The following FAM193A variants were observed in gnomAD, a reference collection of about 807,000 sequenced individuals.
FAM193A encodes protein FAM193A.
FAM193A carries 22 observed loss-of-function variants against 126.5 expected under a neutral mutation model. The observed-to-expected ratio is 0.17, with a 90% CI of 0.12 to 0.25. The LOEUF (loss-of-function observed/expected upper bound fraction) is 0.25, where lower values mean the gene tolerates loss of function less well. Ranked by LOEUF, FAM193A falls within the 10% of genes least tolerant of loss-of-function variation. FAM193A has a pLI of 1.00. For missense variants in FAM193A, 1,675 were observed against 1,672.8 expected, an observed-to-expected ratio of 1.00 and a Z score of -0.02; for synonymous variants, 761 against 646.8, an observed-to-expected ratio of 1.18 and a Z score of -2.68.
At chr4:2,646,958 C>A in intron 7 of FAM193A, 126 bp downstream of exon 7, 1 of 1,042,128 alleles carries the variant, frequency 9.6e-7, no homozygotes, top group Non-Finnish European at 1.3e-6. Flanking sequence ...CCCAGAGGCG[C>A]ATGTGGGTAG....
chr4:2,617,855 A>G (rs1031977262), intron 2 of FAM193A, among the ~76,000 whole-genome samples: 2 of 152,154 alleles, frequency 1.3e-5, no homozygotes, highest in Non-Finnish European at 2.9e-5. Context: ...AAAAGACCTT[A>G]TAAATAAGTT....
At chr4:2,588,927 A>G (rs1280646740) in intron 1 of FAM193A, among the ~76,000 whole-genome samples, 2 of 152,166 alleles carry the variant, frequency 1.3e-5, no homozygotes, top group African/African-American at 2.4e-5. Flanking sequence ...TTAGAAATAC[A>G]TGTAAGTCTG....
chr4:2,658,359 C>T (rs1280669800), intron 8 of FAM193A, among the ~76,000 whole-genome samples: 1 of 152,156 alleles, frequency 6.6e-6, no homozygotes, highest in African/African-American at 2.4e-5. Context: ...CAGATCTGGA[C>T]TCTCCCTTCC....
At chr4:2,635,424 T>C (rs983111513) in intron 5 of FAM193A, among the ~76,000 whole-genome samples, 1 of 152,330 alleles carries the variant, frequency 6.6e-6, no homozygotes, top group African/African-American at 2.4e-5. Context: ...CTTATTGTCA[T>C]TTTAAAAATG....
chr4:2,597,832 T>C (rs71608210), intron 2 of FAM193A, among the ~76,000 whole-genome samples: 23,268 of 152,118 alleles, frequency 0.15, 2,955 homozygotes, highest in African/African-American at 0.35. Flanking sequence ...AACATTTGCA[T>C]CACCCCATAA....
At chr4:2,682,683 C>G (rs1715288656) in intron 13 of FAM193A, among the ~76,000 whole-genome samples, 1 of 152,060 alleles carries the variant, frequency 6.6e-6, no homozygotes, top group East Asian at 1.9e-4. Flanking sequence ...TTTAAAATTT[C>G]TGCAGTTGCC....
intron 13 of FAM193A, 25 bp from the exon 14 acceptor site, chr4:2,689,481 G>C: frequency 6.5e-7 from 1 of 1,527,256 alleles, no homozygotes. Context: ...ATTTTGATAT[G>C]TGATTAGAAA....
chr4:2,547,217 G>A (rs1479289378), intron 1 of FAM193A, among the ~76,000 whole-genome samples: 6 of 151,980 alleles, frequency 3.9e-5, no homozygotes, highest in African/African-American at 1.2e-4. Flanking sequence ...GTGAAACCCC[G>A]TCTCTACTAA....
chr4:2,558,618 C>G (rs1738416225), intron 1 of FAM193A, among the ~76,000 whole-genome samples: 1 of 152,178 alleles, frequency 6.6e-6, no homozygotes, highest in Non-Finnish European at 1.5e-5. Context: ...TGGCCTCAAG[C>G]AATCCTCCTG....
At chr4:2,707,648 T>C (rs1718453796) in intron 19 of FAM193A, among the ~76,000 whole-genome samples, 1 of 152,110 alleles carries the variant, frequency 6.6e-6, no homozygotes, top group Non-Finnish European at 1.5e-5. Context: ...AAAATTTTTT[T>C]TAATGTGGCT....
chr4:2,619,548 AGT>A (rs1742415697), intron 2 of FAM193A, among the ~76,000 whole-genome samples: 2 of 151,914 alleles, frequency 1.3e-5, no homozygotes, highest in African/African-American at 4.8e-5. Context: ...TTGTATTTTT[AGT>A]AGAGATGGGG....
intron 2 of FAM193A, 35 bp from the exon 3 acceptor site, chr4:2,625,227 C>A: frequency 1.5e-6 from 1 of 649,342 alleles, no homozygotes; most frequent in Non-Finnish European, 2.8e-6. Context: ...AACATTTTAA[C>A]ATAACTGGTC....
rs33958851 is a variant in FAM193A, at chr4:2,664,558, CTTTT to C, written c.2079+1293_2079+1296del. Among the ~76,000 whole-genome samples, 268 of 73,044 alleles carry C rather than the reference CTTTT, an allele frequency of 3.7e-3. 4 individuals carry two copies. Among genetic ancestry groups the C allele is most frequent in the Middle Eastern group, 0.013 (1 of 78 alleles). The allele number at this position is 73,044 out of a possible 152,430, so 47.9% of individuals were successfully genotyped here. On this transcript the variant is annotated intron_variant, in intron 12 of 20. Transcript: ENST00000637812. The stretch of plus-strand genomic sequence containing the variant: ...ACCTTTCTCTCTCTCTATTTTCTTT[CTTTT>C]TTTTTTTTTTTTTTTTTTTTTTGAG...
In FAM193A at chr4:2,563,777, G is replaced by A. The variant is rs149435952; in HGVS notation, c.255+26607G>A. ...TTACATCCACTTTTATTAATGACAA[G>A]CCATGCCTGAAGTGTTTATCTTGCC... On this transcript the variant is annotated intron_variant, in intron 1 of 20. Transcript: ENST00000637812. Among the ~76,000 whole-genome samples, 204 of 152,296 alleles carry A rather than the reference G, an allele frequency of 1.3e-3. 1 individual carries two copies. The highest frequency in any genetic ancestry group is 9.4e-3 in the Admixed American group (143 of 15,290).
In FAM193A at chr4:2,590,500, A is replaced by ACC. The variant is rs1560464644; in HGVS notation, c.256-5584_256-5583insCC. ...ACAAAAAAAAACAAAAAAAAACAAA[A>ACC]AAAAACAAAAAAAAAACAAAACAAA... is the stretch of plus-strand genomic sequence containing the variant. On this transcript the variant is annotated intron_variant, in intron 1 of 20. Transcript: ENST00000637812. Among the ~76,000 whole-genome samples, 66 of 40,970 alleles carry ACC rather than the reference A, an allele frequency of 1.6e-3. 5 individuals are homozygous for ACC. Among genetic ancestry groups the ACC allele is most frequent in the East Asian group, 2.9e-3 (4 of 1,372 alleles). 26.9% of individuals were successfully genotyped at this position (40,970 alleles called of 152,430 possible).
At chr4:2,623,655 A>C (rs1330983198) in intron 2 of FAM193A, among the ~76,000 whole-genome samples, 2 of 151,870 alleles carry the variant, frequency 1.3e-5, no homozygotes, top group African/African-American at 4.8e-5. Context: ...ATCTGAACAG[A>C]CCTTGCCAAG....
intron 5 of FAM193A, among the ~76,000 whole-genome samples, chr4:2,637,537 TCTTC>T (rs1179783602): frequency 1.3e-5 from 2 of 152,206 alleles, no homozygotes; most frequent in African/African-American, 4.8e-5. Context: ...AAACATCTTC[TCTTC>T]CTTCTTTCAA....
At chr4:2,662,753 A>T (rs1021155535) in intron 10 of FAM193A, 85 bp from the exon 11 acceptor site, 3 of 1,050,436 alleles carry the variant, frequency 2.9e-6, no homozygotes, top group East Asian at 4.8e-5. Flanking sequence ...TGATCTGTCC[A>T]GGAAATATCT....
intron 2 of FAM193A, among the ~76,000 whole-genome samples, chr4:2,605,294 C>A (rs930526854): frequency 6.6e-6 from 1 of 152,184 alleles, no homozygotes; most frequent in African/African-American, 2.4e-5. Context: ...TGCTCCTAGT[C>A]CTCACTCTTA....
Sources: allele counts gnomAD v4.1 joint callset (sites outside exome capture counted in the v4.1 genomes callset), GRCh38; gene constraint gnomAD v4.1.1; transcripts MANE v1.5; gene names NCBI Gene and HGNC (gene_info 2026-07-23, HGNC 2026-07-21).